SYCE2: variants seen among roughly 807,000 people sequenced by gnomAD.
SYCE2 encodes central element synaptonemal complex 1.
Under a neutral mutation model 27.9 loss-of-function variants are expected in SYCE2, and 3 were observed. That is an observed-to-expected ratio of 0.11 (90% CI 0.05 to 0.28). The LOEUF (loss-of-function observed/expected upper bound fraction) is 0.28, where lower values mean the gene tolerates loss of function less well. Ranked by LOEUF, SYCE2 falls within the 10% of genes least tolerant of loss-of-function variation. The pLI, the probability that SYCE2 is intolerant of heterozygous loss-of-function variation, is 1.00. For synonymous variants in SYCE2, 85 were observed against 100.7 expected (o/e 0.84, Z 0.93); for missense variants, 207 against 263.5 (o/e 0.79, Z 1.48).
chr19:12,913,495 AG>A (rs1357150591), intron 2 of SYCE2, among the ~76,000 whole-genome samples: 2 of 152,224 alleles, frequency 1.3e-5, no homozygotes, highest in African/African-American at 4.8e-5. Context: ...GGAACACAAC[AG>A]AATCTCTGGC....
At chr19:12,905,370 C>T (rs989095010) in intron 2 of SYCE2, among the ~76,000 whole-genome samples, 6 of 151,912 alleles carry the variant, frequency 3.9e-5, no homozygotes, top group South Asian at 4.2e-4. Context: ...CTCACTCTGT[C>T]GCCCAGGCTG....
In SYCE2 at chr19:12,913,297, C is replaced by G. The variant is rs550055744; in HGVS notation, c.131+4925G>C. ...GAGCTGCGGAGGAAATGGGTCTAAG[C>G]GAAGAGACCATCTGTTCGCTCCAGG... On this transcript the variant is annotated intron_variant, in intron 2 of 5. Coordinates refer to ENST00000293695, the MANE Select transcript of SYCE2 (RefSeq NM_001105578.2). Among the ~76,000 whole-genome samples, 3 of 152,306 alleles carry G rather than the reference C, an allele frequency of 2.0e-5. No individual in the cohort carries two copies. In the East Asian group the frequency reaches 5.8e-4, roughly 29 times the overall value.
At chr19:12,911,397 G>A (rs1971042598) in intron 2 of SYCE2, among the ~76,000 whole-genome samples, 1 of 152,006 alleles carries the variant, frequency 6.6e-6, no homozygotes, top group Admixed American at 6.6e-5. Context: ...CAGGGCCCTG[G>A]CCTCCACCCT....
intron 5 of SYCE2, chr19:12,899,652 G>A (rs1242027845): frequency 6.2e-7 from 1 of 1,612,430 alleles, no homozygotes; most frequent in Admixed American, 1.7e-5. Flanking sequence ...GGATGGAGTG[G>A]GAAGTGAGAG....
chr19:12,904,832 T>C, intron 2 of SYCE2, 166 bp from the exon 3 acceptor site: 4 of 728,276 alleles, frequency 5.5e-6, no homozygotes, highest in Non-Finnish European at 8.6e-6. Context: ...ACCTCGTCTC[T>C]AGTAAAAACA....
Position 12,899,135 on chromosome 19 carries a change from G to A in SYCE2, c.*206C>T, listed in dbSNP as rs901120308. The A allele has an allele frequency of 2.2e-5, 13 of 594,392 alleles. No homozygotes were observed. The Middle Eastern group carries it at 1.8e-3, about 81-fold the overall frequency. The allele number at this position is 594,392 out of a possible 1,614,324, so 36.8% of individuals were successfully genotyped here. A position where few individuals can be genotyped will look rare whatever the true frequency, so the allele number is the denominator to read the frequency against. On this transcript the variant is annotated 3_prime_UTR_variant, in exon 6 of 6. Transcript: ENST00000293695. ...GCTGGGGGTGGGGAGAACTTGCCAA[G>A]GGTGGGGAGCACGAAGCCTGGGCCT...
intron 3 of SYCE2, among the ~76,000 whole-genome samples, chr19:12,903,163 C>G (rs1414469693): frequency 6.7e-6 from 1 of 150,256 alleles, no homozygotes; most frequent in African/African-American, 2.5e-5. Context: ...GGGATCTCTG[C>G]TCACTGCAAG....
Position 12,904,495 on chromosome 19 carries a change from G to T in SYCE2, c.303C>A (p.Thr101=), listed in dbSNP as rs1484759120. ...CTCGCTGGGTGGAGTCTGTCACCTT[G>T]GTCTTCAGGCTGTTCCTGAAGTTGG... ...LMTNFRNSLK[T]KVSDLTEKLE... is the part of the protein sequence containing the mutation. The change falls in exon 3 of 6, where the codon ACC becomes ACA. Residue 101 remains threonine (T), a synonymous_variant. Coordinates refer to ENST00000293695, the MANE Select transcript of SYCE2 (RefSeq NM_001105578.2). 1 of 1,613,864 alleles carries T rather than the reference G, an allele frequency of 6.2e-7. No individual in the cohort carries two copies. The highest frequency in any genetic ancestry group is 8.5e-7 in the Non-Finnish European group (1 of 1,179,966).
chr19:12,902,874 G>A (rs1322868396), intron 3 of SYCE2, among the ~76,000 whole-genome samples: 2 of 151,476 alleles, frequency 1.3e-5, no homozygotes, highest in Non-Finnish European at 2.9e-5. Flanking sequence ...CCAGCAAGCT[G>A]TCCCACTCAT....
chr19:12,917,508 G>A (rs558753478), intron 2 of SYCE2, among the ~76,000 whole-genome samples: 19 of 146,736 alleles, frequency 1.3e-4, no homozygotes, highest in East Asian at 2.0e-4. Context: ...GACTACAGGC[G>A]TGCACCACAA....
intron 2 of SYCE2, among the ~76,000 whole-genome samples, chr19:12,913,793 C>T (rs933966369): frequency 1.3e-5 from 2 of 152,164 alleles, no homozygotes; most frequent in Non-Finnish European, 2.9e-5. Flanking sequence ...CATGCTATTC[C>T]GCAGTAAGGT....
chr19:12,900,975 C>T (rs1165032560), intron 3 of SYCE2, among the ~76,000 whole-genome samples: 1 of 151,908 alleles, frequency 6.6e-6, no homozygotes, highest in African/African-American at 2.4e-5. Context: ...GTCAGGAGAT[C>T]GAGACCACTG....
intron 5 of SYCE2, 92 bp downstream of exon 5, chr19:12,899,905 GTAGTGCC>G: frequency 6.2e-7 from 1 of 1,606,652 alleles, no homozygotes; most frequent in East Asian, 2.2e-5. Context: ...CCATCTGGGG[GTAGTGCC>G]TTATGCTGGG....
At chr19:12,916,911 G>A (rs1161232080) in intron 2 of SYCE2, among the ~76,000 whole-genome samples, 1 of 151,912 alleles carries the variant, frequency 6.6e-6, no homozygotes, top group East Asian at 1.9e-4. Flanking sequence ...CACCACGCCT[G>A]GCTGATTTTT....
Position 12,899,184 on chromosome 19 carries a change from A to G in SYCE2, c.*157T>C. ...CTATGGCAGGGGCTGGACTTGCTAC[A>G]TTTTGGGAGTTCAGCACAAGGAGCT... On this transcript the variant is annotated 3_prime_UTR_variant, in exon 6 of 6. Transcript: ENST00000293695. The G allele has an allele frequency of 1.5e-6, 1 of 684,084 alleles. No homozygotes were observed. Among genetic ancestry groups the G allele is most frequent in the Non-Finnish European group, 2.5e-6 (1 of 398,920 alleles). The allele number at this position is 684,084 out of a possible 1,614,324, so 42.4% of individuals were successfully genotyped here. A position where few individuals can be genotyped will look rare whatever the true frequency, so the allele number is the denominator to read the frequency against.
chr19:12,916,046 C>T (rs967120961), intron 2 of SYCE2, among the ~76,000 whole-genome samples: 18 of 151,278 alleles, frequency 1.2e-4, no homozygotes, highest in Admixed American at 1.2e-3. Context: ...TGCTGCCAAT[C>T]ACAATACTGC....
At chr19:12,901,376 CAA>C (rs901502164) in intron 3 of SYCE2, among the ~76,000 whole-genome samples, 1 of 120,120 alleles carries the variant, frequency 8.3e-6, no homozygotes. Flanking sequence ...AACTCCGTCT[CAA>C]AAAAAAAAAA....
intron 5 of SYCE2, 28 bp from the exon 6 acceptor site, chr19:12,899,413 A>AG: frequency 2.5e-6 from 4 of 1,614,134 alleles, no homozygotes; most frequent in Non-Finnish European, 3.4e-6. Context: ...TTGATTTTAA[A>AG]GGGAAGTTGT....
chr19:12,910,669 G>A (rs571208799), intron 2 of SYCE2, among the ~76,000 whole-genome samples: 69 of 151,582 alleles, frequency 4.6e-4, no homozygotes, highest in Admixed American at 3.2e-3. Flanking sequence ...CACCACGCCT[G>A]ACCTTTTATA....
Sources: gnomAD v4.1 joint callset for allele counts (sites outside exome capture counted in the v4.1 genomes callset) on GRCh38, gnomAD v4.1.1 for gene constraint, MANE v1.5 for transcripts, NCBI Gene and HGNC (gene_info 2026-07-23, HGNC 2026-07-21) for gene names.